The following FBXL5 variants were observed in gnomAD, a reference collection of about 807,000 sequenced individuals.
The protein encoded by FBXL5 is F-box/LRR-repeat protein 5.
FBXL5 carries 26 observed loss-of-function variants against 78.3 expected under a neutral mutation model. That is an observed-to-expected ratio of 0.33 (90% confidence interval 0.24 to 0.46). FBXL5 has a LOEUF of 0.46. FBXL5 is among the 20% of genes least tolerant of loss of function. The pLI is 1.00. For missense variants in FBXL5, 710 were observed against 829.2 expected, an observed-to-expected ratio of 0.86 and a Z score of 1.77; for synonymous variants, 295 against 282.5, an observed-to-expected ratio of 1.04 and a Z score of -0.45.
chr4:15,636,239 T>C (rs1714250190), intron 5 of FBXL5: 1 of 334,966 alleles, frequency 3.0e-6, no homozygotes, highest in Non-Finnish European at 5.4e-6. Flanking sequence ...ATTATCAATT[T>C]TGTCAATCTT....
At chr4:15,657,143 C>G (rs949870120), upstream of FBXL5, among the ~76,000 whole-genome samples, 2 of 152,138 alleles carry the variant, frequency 1.3e-5, no homozygotes, top group Non-Finnish European at 2.9e-5. Context: ...TTTTAATAAC[C>G]TCCAGAGAGC....
intron 1 of FBXL5, among the ~76,000 whole-genome samples, chr4:15,676,420 C>T (rs1185210949): frequency 6.6e-6 from 1 of 152,036 alleles, no homozygotes; most frequent in Non-Finnish European, 1.5e-5. Flanking sequence ...ATGACCTAAT[C>T]TCTACAACAA....
At chr4:15,649,578 C>CAAAAAAAAA (rs34238482) in intron 1 of FBXL5, among the ~76,000 whole-genome samples, 5 of 81,356 alleles carry the variant, frequency 6.1e-5, no homozygotes, top group East Asian at 4.7e-4. Context: ...GACTACGTCT[C>CAAAAAAAAA]AAAAAAAAAA....
rs1159704996 is a variant in FBXL5, at chr4:15,604,701, G to A, written c.*1022C>T. 2 of 152,164 alleles carry A rather than the reference G, an allele frequency of 1.3e-5. No individual in the cohort carries two copies. The highest frequency in any genetic ancestry group is 1.3e-4 in the Admixed American group (2 of 15,282). The allele number at this position is 152,164 out of a possible 1,614,324, so 9.4% of individuals were successfully genotyped here. On this transcript the variant is annotated 3_prime_UTR_variant, in exon 11 of 11. Coordinates refer to ENST00000341285, the MANE Select transcript of FBXL5 (RefSeq NM_012161.4). ...TATCTGTATCAATAGGAGGAACATT[G>A]CCATTTTCTTCTACATGACATAAAA...
At chr4:15,644,780 C>T (rs904080149) in intron 1 of FBXL5, 72 bp from the exon 2 acceptor site, 1 of 1,070,334 alleles carries the variant, frequency 9.3e-7, no homozygotes, top group Non-Finnish European at 1.4e-6. Flanking sequence ...TATTCAAATA[C>T]ATCCCTATTC....
chr4:15,674,865 G>T (rs1717924035), intron 1 of FBXL5, among the ~76,000 whole-genome samples: 1 of 152,136 alleles, frequency 6.6e-6, no homozygotes. Flanking sequence ...TAGCCAGGAT[G>T]GTCTCGATCT....
chr4:15,655,255 G>A lies in FBXL5; in HGVS notation c.33C>T (p.Phe11=), dbSNP rs1716742809. The A allele has an allele frequency of 6.9e-7, 1 of 1,444,030 alleles. No individual in the cohort carries two copies. The allele number at this position is 1,444,030 out of a possible 1,614,324, so 89.5% of individuals were successfully genotyped here. The change falls in exon 1 of 11, where the codon TTC becomes TTT. Residue 11 remains phenylalanine (F), a synonymous_variant. Coordinates refer to ENST00000341285, the MANE Select transcript of FBXL5 (RefSeq NM_012161.4). Reference sequence around the variant, plus strand: ...GCTTCATCCGCCAGTGTGGGGCGGTGAAGACGTCCACTTCTTCAGGAAAGG... The same window carrying A: ...GCTTCATCCGCCAGTGTGGGGCGGTAAAGACGTCCACTTCTTCAGGAAAGG... MAPFPEEVDV[F]TAPHWRMKQL...
intron 1 of FBXL5, among the ~76,000 whole-genome samples, chr4:15,678,839 G>A (rs1226527583): frequency 6.6e-6 from 1 of 152,060 alleles, no homozygotes; most frequent in Non-Finnish European, 1.5e-5. Context: ...GTGAAATGAT[G>A]TAATAAACTG....
At chr4:15,665,243 C>G (rs1717489528) in intron 1 of FBXL5, among the ~76,000 whole-genome samples, 1 of 151,972 alleles carries the variant, frequency 6.6e-6, no homozygotes, top group East Asian at 1.9e-4. Flanking sequence ...GTTGTTTCAA[C>G]TCATGTGTTT....
chr4:15,605,815 A>T lies in FBXL5; in HGVS notation c.2000-16T>A, dbSNP rs747494879. On this transcript the variant is annotated splice_polypyrimidine_tract_variant and intron_variant, in intron 10 of 10. Coordinates refer to ENST00000341285, the MANE Select transcript of FBXL5 (RefSeq NM_012161.4). ...GCATGAGGACCTGTATGAAAACAGA[A>T]AAATGTGAAAGGAGGAATTTCTTAG... 5.0e-6 allele frequency: 8 copies of T among 1,604,680 alleles called. No individual in the cohort carries two copies. The Admixed American group carries it at 1.0e-4, about 20-fold the overall frequency.
chr4:15,657,543 A>G (rs1016301095), upstream of FBXL5, among the ~76,000 whole-genome samples: 1 of 152,370 alleles, frequency 6.6e-6, no homozygotes, highest in East Asian at 1.9e-4. Flanking sequence ...ACTGTAACCC[A>G]GATTTGAAGC....
chr4:15,655,856 C>G (rs573126060), upstream of FBXL5, among the ~76,000 whole-genome samples: 25 of 152,336 alleles, frequency 1.6e-4, no homozygotes, highest in South Asian at 5.2e-3. Flanking sequence ...CGAGCGCAGA[C>G]CACCCCGGCC....
At chr4:15,610,899 G>A (rs559804424) in intron 10 of FBXL5, among the ~76,000 whole-genome samples, 12 of 152,190 alleles carry the variant, frequency 7.9e-5, no homozygotes, top group African/African-American at 2.9e-4. Context: ...GCCTTAGGAA[G>A]TGGAAGTATA....
chr4:15,647,222 CAAAAAAAAAA>C (rs112736448), intron 1 of FBXL5, among the ~76,000 whole-genome samples: 6 of 36,520 alleles, frequency 1.6e-4, no homozygotes, highest in Non-Finnish European at 3.0e-4. Flanking sequence ...GACTCCATCT[CAAAAAAAAAA>C]AAAAAAAAAA....
At chr4:15,674,967 T>C (rs1420606462) in intron 1 of FBXL5, among the ~76,000 whole-genome samples, 2 of 152,144 alleles carry the variant, frequency 1.3e-5, no homozygotes, top group Admixed American at 1.3e-4. Flanking sequence ...TTTTTAATGA[T>C]AAATTAATTT....
At chr4:15,638,213 G>C (rs1714483304) in intron 4 of FBXL5, among the ~76,000 whole-genome samples, 1 of 152,146 alleles carries the variant, frequency 6.6e-6, no homozygotes, top group South Asian at 2.1e-4. Context: ...TTTTGAGCAG[G>C]CCAGTGCTCT....
chr4:15,670,125 TAAG>T (rs1283323162), intron 1 of FBXL5, among the ~76,000 whole-genome samples: 3 of 152,256 alleles, frequency 2.0e-5, no homozygotes, highest in African/African-American at 7.2e-5. Flanking sequence ...TTTTCACTGC[TAAG>T]TAGTATTCTC....
At chr4:15,658,419 A>T (rs537734530), upstream of FBXL5, among the ~76,000 whole-genome samples, 2 of 152,364 alleles carry the variant, frequency 1.3e-5, no homozygotes, top group East Asian at 3.9e-4. Flanking sequence ...CAGTATTAAG[A>T]AGTGGGGCCT....
At chr4:15,671,684 C>T (rs570728763) in intron 1 of FBXL5, among the ~76,000 whole-genome samples, 2 of 152,258 alleles carry the variant, frequency 1.3e-5, no homozygotes, top group African/African-American at 4.8e-5. Flanking sequence ...ACTTTGTATG[C>T]TCCCTTCCCC....
Sources: gnomAD v4.1 joint callset for allele counts (sites outside exome capture counted in the v4.1 genomes callset) on GRCh38, gnomAD v4.1.1 for gene constraint, MANE v1.5 for transcripts, NCBI Gene and HGNC (gene_info 2026-07-23, HGNC 2026-07-21) for gene names.